The following ZC3H12B variants were observed in gnomAD, a reference collection of about 807,000 sequenced individuals.
ZC3H12B encodes probable ribonuclease ZC3H12B.
Under a neutral mutation model 43.9 loss-of-function variants are expected in ZC3H12B, and 7 were observed. That is an observed-to-expected ratio of 0.16 (90% CI 0.09 to 0.30). The LOEUF (loss-of-function observed/expected upper bound fraction) is 0.30, where lower values mean the gene tolerates loss of function less well. Ranked by LOEUF, ZC3H12B falls within the 10% of genes least tolerant of loss-of-function variation. The pLI, the probability that ZC3H12B is intolerant of heterozygous loss-of-function variation, is 1.00. For synonymous variants in ZC3H12B, 222 were observed against 241.7 expected, an observed-to-expected ratio of 0.92 and a Z score of 0.76; for missense variants, 475 against 670.2, an observed-to-expected ratio of 0.71 and a Z score of 3.22.
chrX:65,131,512 G>A, the ZC3H12B span, among the ~76,000 whole-genome samples: 2 of 111,401 alleles, frequency 1.8e-5, no homozygotes, highest in Non-Finnish European at 3.8e-5. Flanking sequence ...GAGTTAGGGA[G>A]AGTTAGTGTG....
chrX:65,424,739 C>CT (rs2067060062), intron 3 of ZC3H12B, among the ~76,000 whole-genome samples: 2 of 111,398 alleles, frequency 1.8e-5, no homozygotes, highest in South Asian at 3.8e-4. Context: ...TTCCCCATTG[C>CT]TTTTTTTGTC....
the ZC3H12B span, among the ~76,000 whole-genome samples, chrX:65,226,356 G>C: frequency 9.0e-6 from 1 of 111,323 alleles, no homozygotes; most frequent in Non-Finnish European, 1.9e-5. Context: ...TGCCCTAAAA[G>C]AGCGCCTGAA....
intron 3 of ZC3H12B, among the ~76,000 whole-genome samples, chrX:65,443,383 G>C (rs2067330705): frequency 9.0e-6 from 1 of 111,021 alleles, no homozygotes; most frequent in Non-Finnish European, 1.9e-5. Flanking sequence ...CCTAGAGGCC[G>C]ACCCTAACCC....
the ZC3H12B span, among the ~76,000 whole-genome samples, chrX:65,232,842 A>G: frequency 8.9e-6 from 1 of 111,818 alleles, no homozygotes; most frequent in Non-Finnish European, 1.9e-5. Context: ...TATGCTGTCT[A>G]GAAGAAACTT....
At chrX:65,132,588 A>G in the ZC3H12B span, among the ~76,000 whole-genome samples, 23 of 110,997 alleles carry the variant, frequency 2.1e-4, no homozygotes, top group African/African-American at 6.9e-4. Context: ...AGGAATAGTC[A>G]GGGAAGCAGA....
the ZC3H12B span, among the ~76,000 whole-genome samples, chrX:65,266,731 A>T: frequency 9.0e-6 from 1 of 111,383 alleles, no homozygotes; most frequent in Non-Finnish European, 1.9e-5. Context: ...AATTGTGTTT[A>T]TGGGTTTTCC....
the ZC3H12B span, among the ~76,000 whole-genome samples, chrX:65,068,226 A>G: frequency 1.9e-5 from 2 of 103,959 alleles, no homozygotes; most frequent in East Asian, 6.0e-4. Context: ...TTGTCCCTTT[A>G]CATTCAATGT....
chrX:65,128,348 G>A, the ZC3H12B span, among the ~76,000 whole-genome samples: 3 of 111,958 alleles, frequency 2.7e-5, no homozygotes, highest in Non-Finnish European at 3.8e-5. Context: ...GTTGTTTAAC[G>A]TCAAAGTGTT....
the ZC3H12B span, among the ~76,000 whole-genome samples, chrX:65,233,017 T>C: frequency 8.9e-6 from 1 of 112,009 alleles, no homozygotes; most frequent in Admixed American, 9.5e-5. Context: ...TATATAATGA[T>C]AAGGGGGTCA....
At chrX:65,206,617 C>A in the ZC3H12B span, among the ~76,000 whole-genome samples, 1 of 105,876 alleles carries the variant, frequency 9.4e-6, no homozygotes, top group Non-Finnish European at 1.9e-5. Flanking sequence ...GACTTCATGA[C>A]CAAGAACCCA....
intron 3 of ZC3H12B, among the ~76,000 whole-genome samples, chrX:65,450,646 T>TATGTGTATATATGTATATGTATAC (rs1186283336): frequency 3.3e-4 from 5 of 15,110 alleles, no homozygotes; most frequent in East Asian, 3.3e-3. Flanking sequence ...TATGTATACA[T>TATGTGTATATATGTATATGTATAC]ATGTGTATAT....
the ZC3H12B span, among the ~76,000 whole-genome samples, chrX:65,306,576 T>C: frequency 0.013 from 1,454 of 111,224 alleles, 13 homozygotes; most frequent in Non-Finnish European, 0.021. Flanking sequence ...GGTTGCACTG[T>C]GTTGCCCAGG....
the ZC3H12B span, among the ~76,000 whole-genome samples, chrX:65,183,152 G>A: frequency 9.0e-6 from 1 of 111,407 alleles, no homozygotes; most frequent in African/African-American, 3.3e-5. Context: ...ATTCACAATA[G>A]CAAAGACATA....
intron 2 of ZC3H12B, among the ~76,000 whole-genome samples, chrX:65,385,915 G>C (rs1372665140): frequency 8.9e-6 from 1 of 112,294 alleles, no homozygotes; most frequent in Non-Finnish European, 1.9e-5. Context: ...TGTGGTTTTT[G>C]TCTTTGGTTC....
At chrX:65,401,095 A>C (rs1252620127) in intron 3 of ZC3H12B, among the ~76,000 whole-genome samples, 5 of 110,659 alleles carry the variant, frequency 4.5e-5, no homozygotes, top group Non-Finnish European at 9.5e-5. Flanking sequence ...AAAAAAAAAA[A>C]AACACCTTCA....
At chrX:65,070,141 A>G in the ZC3H12B span, among the ~76,000 whole-genome samples, 1 of 108,575 alleles carries the variant, frequency 9.2e-6, no homozygotes, top group Non-Finnish European at 1.9e-5. Flanking sequence ...TCTTTCAGAG[A>G]TTCAATGTCT....
At chrX:65,190,199 A>T in the ZC3H12B span, among the ~76,000 whole-genome samples, 1 of 110,461 alleles carries the variant, frequency 9.1e-6, no homozygotes, top group African/African-American at 3.3e-5. Flanking sequence ...TGGTTACTGT[A>T]GCCTTGTAGT....
At chrX:65,497,007 G>A in intron 1 of ZC3H12B, 125 bp from the exon 7 acceptor site, 4 of 494,345 alleles carry the variant, frequency 8.1e-6, no homozygotes, top group South Asian at 5.3e-5. Context: ...GAAAGAAAGA[G>A]AGAAAGAAAG....
chrX:65,225,056 T>C, the ZC3H12B span, among the ~76,000 whole-genome samples: 7 of 111,767 alleles, frequency 6.3e-5, no homozygotes, highest in Non-Finnish European at 1.1e-4. Flanking sequence ...GATCTGAGAA[T>C]GGGTAGACTG....
Sources: allele counts gnomAD v4.1 joint callset (sites outside exome capture counted in the v4.1 genomes callset), GRCh38; gene constraint gnomAD v4.1.1; transcripts MANE v1.5; gene names NCBI Gene and HGNC (gene_info 2026-07-23, HGNC 2026-07-21).